The following PWWP2A variants were observed in gnomAD, a reference collection of about 807,000 sequenced individuals.
PWWP2A encodes the protein PWWP domain containing 2A, also known as PWWP domain-containing protein 2A.
Under a neutral mutation model 48.5 loss-of-function variants are expected in PWWP2A, and 18 were observed. That is an observed-to-expected ratio of 0.37 (90% CI 0.26 to 0.55). The LOEUF (loss-of-function observed/expected upper bound fraction) is 0.55. PWWP2A is among the 20% of genes least tolerant of loss of function. The pLI, the probability that PWWP2A is intolerant of heterozygous loss-of-function variation, is 0.81. For missense variants in PWWP2A, 867 were observed against 976.4 expected (o/e 0.89, Z 1.49); for synonymous variants, 396 against 387.7 (o/e 1.02, Z -0.25).
chr5:160,119,146 G>T lies in PWWP2A; in HGVS notation c.243C>A (p.Ser81Arg), dbSNP rs372979893. The change falls in exon 1 of 2, where the codon AGC becomes AGA. Residue 81 changes from serine to arginine, a missense_variant. Physicochemically the swap from Ser to Arg is moderately radical, Grantham distance 110 (BLOSUM62 -1). Around this residue, in one of 4 missense-constraint regions of PWWP2A, gnomAD observed 385 missense variants for 396.9 expected, o/e 0.97. Transcript: ENST00000307063. ...PPPPPGELARSPEAVGPELEA... is the reference protein window; with the variant it reads ...PPPPPGELARRPEAVGPELEA... ...CCAGCTCCGGCCCCACCGCCTCTGG[G>T]CTGCGGGCGAGCTCCCCCGGCGGCG... 1.3e-6 allele frequency: 2 copies of T among 1,556,350 alleles called. No individual in the cohort carries two copies. The highest frequency in any genetic ancestry group is 1.9e-5 in the Admixed American group (1 of 52,204).
At chr5:160,105,115 G>A (rs1032597530) in intron 1 of PWWP2A, among the ~76,000 whole-genome samples, 8 of 152,038 alleles carry the variant, frequency 5.3e-5, no homozygotes, top group Admixed American at 2.0e-4. Flanking sequence ...GCACAGGCCT[G>A]TAGTCCCTGC....
intron 1 of PWWP2A, among the ~76,000 whole-genome samples, chr5:160,104,708 C>T (rs536539630): frequency 1.7e-4 from 26 of 151,990 alleles, no homozygotes; most frequent in African/African-American, 5.8e-4. Flanking sequence ...ATGAGGCTGG[C>T]GCAGGAGAAT....
At position 160,119,082 on chromosome 5, in the gene PWWP2A, C is replaced by A. The variant is rs1213335057; in HGVS notation, c.307G>T (p.Ala103Ser). 6.3e-7 allele frequency: 1 copy of A among 1,588,480 alleles called. No homozygotes were observed. Among genetic ancestry groups the A allele is most frequent in the Non-Finnish European group, 8.5e-7 (1 of 1,176,046 alleles). The change falls in exon 1 of 2, where the codon GCG becomes TCG. Residue 103 changes from alanine (A) to serine (S), a missense_variant. Ala to Ser is a moderately conservative substitution (Grantham distance 99). This residue lies in a region of PWWP2A where 385 missense variants were observed against 396.9 expected (regional missense o/e 0.97). Transcript: ENST00000307063. ...GGCCCTCCCTGAGGCGCGGCTGCCG[C>A]CGACTCCGCCACCCGAACGGACAGT... Reference protein sequence around the residue: ...EKLSVRVAESAAAAPQGGPEL... With the variant: ...EKLSVRVAESSAAAPQGGPEL...
intron 2 of PWWP2A, among the ~76,000 whole-genome samples, chr5:160,067,382 A>AG (rs1753639821): frequency 6.6e-6 from 1 of 152,204 alleles, no homozygotes; most frequent in Non-Finnish European, 1.5e-5. Context: ...CTACATTTTG[A>AG]GAACTACTGT....
chr5:160,072,743 A>AAATG (rs571999571), downstream of PWWP2A, among the ~76,000 whole-genome samples: 2,413 of 151,904 alleles, frequency 0.016, 30 homozygotes, highest in Non-Finnish European at 0.024. Context: ...ATAAATAAAT[A>AAATG]AATAATAAAA....
chr5:160,045,495 CACACACACACACACACACAT>C, the PWWP2A span, among the ~76,000 whole-genome samples: 7 of 116,434 alleles, frequency 6.0e-5, no homozygotes, highest in South Asian at 3.1e-4. Flanking sequence ...CACACACACA[CACACACACACACACACACAT>C]ACACACTCTC....
exon 4 of PWWP2A, chr5:160,076,558 AACAG>A (rs1336975344): frequency 2.0e-5 from 3 of 152,350 alleles, no homozygotes; most frequent in African/African-American, 4.8e-5. Flanking sequence ...TAATTTTCCA[AACAG>A]ACAATTGTAG....
At chr5:160,095,047 CAA>C (rs70987998) in intron 1 of PWWP2A, among the ~76,000 whole-genome samples, 516 of 30,686 alleles carry the variant, frequency 0.017, no homozygotes, top group African/African-American at 0.05. Flanking sequence ...GACTCTGTCT[CAA>C]AAAAAAAAAA....
chr5:160,080,191 A>G (rs1413293442), intron 3 of PWWP2A, among the ~76,000 whole-genome samples: 1 of 152,256 alleles, frequency 6.6e-6, no homozygotes, highest in Non-Finnish European at 1.5e-5. Flanking sequence ...CACTAAGAAT[A>G]TATATACACA....
the PWWP2A span, among the ~76,000 whole-genome samples, chr5:160,047,743 T>C: frequency 2.0e-5 from 3 of 152,210 alleles, no homozygotes; most frequent in South Asian, 6.2e-4. Flanking sequence ...GCCAGAGTTA[T>C]TCTTGTTGGT....
chr5:160,107,270 A>G (rs1756997169), intron 1 of PWWP2A, among the ~76,000 whole-genome samples: 1 of 152,236 alleles, frequency 6.6e-6, no homozygotes, highest in Admixed American at 6.5e-5. Context: ...ATGCAAAATG[A>G]TGGAATGAAG....
At chr5:160,068,500 G>A (rs1220109429) in intron 2 of PWWP2A, among the ~76,000 whole-genome samples, 2 of 152,002 alleles carry the variant, frequency 1.3e-5, no homozygotes, top group African/African-American at 2.4e-5. Flanking sequence ...CCAGGAGGCT[G>A]AGGCAGGAGA....
the PWWP2A span, among the ~76,000 whole-genome samples, chr5:160,045,514 A>ACTCTCTCTC: frequency 3.4e-5 from 1 of 29,736 alleles, no homozygotes; most frequent in Admixed American, 4.4e-4. Context: ...ACACACACAC[A>ACTCTCTCTC]TACACACTCT....
downstream of PWWP2A, among the ~76,000 whole-genome samples, chr5:160,073,163 A>T (rs1220288924): frequency 6.6e-6 from 1 of 152,048 alleles, no homozygotes; most frequent in Non-Finnish European, 1.5e-5. Flanking sequence ...CATTGATAGA[A>T]CTGATAACAG....
chr5:160,077,014 G>A lies in PWWP2A; in HGVS notation c.*1141C>T, dbSNP rs1753921489. 6.6e-6 allele frequency: 1 copy of A among 151,872 alleles called. No homozygotes were observed. Among genetic ancestry groups the A allele is most frequent in the Non-Finnish European group, 1.5e-5 (1 of 67,986 alleles). 9.4% of individuals were successfully genotyped at this position (151,872 alleles called of 1,614,324 possible). On this transcript the variant is annotated 3_prime_UTR_variant, in exon 4 of 4. Coordinates refer to the PWWP2A transcript ENST00000456329. The surrounding 1 kb of genome is among the most constrained non-coding windows in gnomAD (Gnocchi z 4.2). ...AAATGTAGTACTAACAGGTCCATCT[G>A]GTTTTCTCATGTTTTCTCCATTCAT... is the stretch of plus-strand genomic sequence containing the variant.
intron 1 of PWWP2A, among the ~76,000 whole-genome samples, chr5:160,103,700 G>A (rs542829751): frequency 1.3e-5 from 2 of 152,258 alleles, no homozygotes; most frequent in South Asian, 4.1e-4. Flanking sequence ...GGATTCAGAG[G>A]CTTACATAAG....
downstream of PWWP2A, among the ~76,000 whole-genome samples, chr5:160,061,363 A>G (rs552331546): frequency 1.3e-5 from 2 of 152,304 alleles, no homozygotes; most frequent in Non-Finnish European, 2.9e-5. Context: ...CTCTCGTAGC[A>G]TTTTATAACT....
intron 2 of PWWP2A, among the ~76,000 whole-genome samples, chr5:160,070,318 T>G (rs372074058): frequency 2.6e-5 from 4 of 151,976 alleles, no homozygotes; most frequent in South Asian, 2.1e-4. Context: ...AAAAATGTTT[T>G]AAAACCAAGC....
downstream of PWWP2A, chr5:160,090,233 C>G: frequency 1.0e-6 from 1 of 985,126 alleles, no homozygotes. Flanking sequence ...TATGCCACAA[C>G]AGCACATTTA....
Sources: allele counts gnomAD v4.1 joint callset (sites outside exome capture counted in the v4.1 genomes callset), GRCh38; gene constraint gnomAD v4.1.1; regional missense constraint gnomAD v4.1.1; non-coding constraint Gnocchi (gnomAD v3.1); transcripts MANE v1.5; gene names NCBI Gene and HGNC (gene_info 2026-07-23, HGNC 2026-07-21).